RRM2: variants seen among roughly 807,000 people sequenced by gnomAD.
The protein encoded by RRM2 is ribonucleotide reductase regulatory subunit M2, also known as ribonucleoside-diphosphate reductase subunit M2.
A neutral mutation model predicts 45.9 loss-of-function variants in RRM2; 6 were observed. That is an observed-to-expected ratio of 0.13 (90% CI 0.07 to 0.26). RRM2 has a LOEUF of 0.26. Ranked by LOEUF, RRM2 falls within the 10% of genes least tolerant of loss-of-function variation. RRM2 has a pLI of 1.00. For synonymous variants in RRM2, 177 were observed against 173.0 expected, an observed-to-expected ratio of 1.02 and a Z score of -0.18; for missense variants, 343 against 489.5, an observed-to-expected ratio of 0.70 and a Z score of 2.82.
chr2:10,188,431 C>A (rs1192884444), intron 3 of RRM2, among the ~76,000 whole-genome samples: 1 of 152,202 alleles, frequency 6.6e-6, no homozygotes, highest in Non-Finnish European at 1.5e-5. Context: ...TTTCTCTGTC[C>A]ATGCATCCCT....
At chr2:10,160,115 G>A (rs1032696827) in intron 3 of RRM2, among the ~76,000 whole-genome samples, 10 of 152,102 alleles carry the variant, frequency 6.6e-5, no homozygotes, top group South Asian at 2.1e-4. Context: ...ATGGGCTGCC[G>A]TCTTCTGCTC....
At chr2:10,197,980 C>G (rs1664449353) in intron 3 of RRM2, among the ~76,000 whole-genome samples, 1 of 152,144 alleles carries the variant, frequency 6.6e-6, no homozygotes, top group Non-Finnish European at 1.5e-5. Flanking sequence ...GTCCAGGTTT[C>G]CCTCCCTACA....
At chr2:10,141,325 C>T (rs1663074898), upstream of RRM2, 1 of 154,624 alleles carries the variant, frequency 6.5e-6, no homozygotes, top group African/African-American at 2.4e-5. Flanking sequence ...ATCTTCCCTC[C>T]ATCCCCTCCC....
chr2:10,155,040 T>TA (rs373914389), intron 3 of RRM2: 3,376 of 165,984 alleles, frequency 0.02, no homozygotes, highest in South Asian at 0.071. Flanking sequence ...AATTGCTCTG[T>TA]AAAAAAAAAA....
At chr2:10,197,932 T>C (rs1664448614) in intron 3 of RRM2, among the ~76,000 whole-genome samples, 1 of 152,166 alleles carries the variant, frequency 6.6e-6, no homozygotes, top group Non-Finnish European at 1.5e-5. Context: ...GCTGGGCCTG[T>C]CTGCCTGTCT....
At chr2:10,143,913 G>A (rs1284770673) in intron 3 of RRM2, among the ~76,000 whole-genome samples, 5 of 152,166 alleles carry the variant, frequency 3.3e-5, no homozygotes, top group Admixed American at 3.3e-4. Context: ...TGATCCGCCC[G>A]CCTTGGCCTC....
chr2:10,143,700 C>T (rs938157132), intron 3 of RRM2, among the ~76,000 whole-genome samples: 4 of 152,102 alleles, frequency 2.6e-5, no homozygotes, highest in African/African-American at 9.7e-5. Context: ...GAGACGGAGT[C>T]TTGCTCTGTC....
Position 10,177,710 on chromosome 2 carries a change from T to TCCCTCCCTCC in RRM2, n.483-32600_483-32599insCCTCCCTCCC, listed in dbSNP as rs1412223767. On this transcript the variant is annotated intron_variant and non_coding_transcript_variant, in intron 3 of 3. Coordinates refer to the RRM2 transcript ENST00000381786. ...TCCTTCCTTCCTTCCTTCCTTCCTC[T>TCCCTCCCTCC]CTCCCTCCCTCCCTCCCTCTCTCTC... 3.6e-3 allele frequency among the ~76,000 whole-genome samples: 417 copies of TCCCTCCCTCC among 116,548 alleles called. 5 individuals carry two copies. The highest frequency in any genetic ancestry group is 0.013 in the African/African-American group (399 of 31,154). 76.5% of individuals were successfully genotyped at this position (116,548 alleles called of 152,430 possible).
intron 5 of RRM2, among the ~76,000 whole-genome samples, chr2:10,125,082 CCTT>C (rs1486276990): frequency 2.0e-5 from 3 of 152,158 alleles, no homozygotes; most frequent in African/African-American, 7.2e-5. Context: ...CAATGTAAAA[CCTT>C]CTTTTGAAAA....
chr2:10,200,882 C>T (rs1268423595), intron 3 of RRM2, among the ~76,000 whole-genome samples: 1 of 152,190 alleles, frequency 6.6e-6, no homozygotes, highest in Non-Finnish European at 1.5e-5. Flanking sequence ...TGCCATGGCT[C>T]ACACCTGTAA....
intron 3 of RRM2, among the ~76,000 whole-genome samples, chr2:10,166,507 C>T (rs181010937): frequency 3.3e-5 from 5 of 152,322 alleles, no homozygotes; most frequent in Admixed American, 3.3e-4. Context: ...CTGCTGTCTG[C>T]GTCCGTGTCT....
chr2:10,123,106 T>C, intron 2 of RRM2, 49 bp downstream of exon 2: 1 of 1,508,280 alleles, frequency 6.6e-7, no homozygotes, highest in South Asian at 1.2e-5. Flanking sequence ...CTTGGGCGTC[T>C]TGGCGCCAAA....
At chr2:10,122,933 G>GT (rs1382002068) in intron 1 of RRM2, 36 bp downstream of exon 1, 1 of 1,551,364 alleles carries the variant, frequency 6.4e-7, no homozygotes, top group East Asian at 2.4e-5. Flanking sequence ...GGCAGGGGAG[G>GT]GAGGCAGGGA....
At chr2:10,207,509 T>C (rs887962) in intron 3 of RRM2, among the ~76,000 whole-genome samples, 135,552 of 152,176 alleles carry the variant, frequency 0.89, 60,471 homozygotes, top group East Asian at 1. Context: ...GTCTTCATGA[T>C]TCAGTCCCCA....
intron 3 of RRM2, among the ~76,000 whole-genome samples, chr2:10,151,696 A>C (rs1663315527): frequency 6.6e-6 from 1 of 152,152 alleles, no homozygotes; most frequent in Non-Finnish European, 1.5e-5. Flanking sequence ...AAGTGACCAT[A>C]CCGCTTTACA....
intron 3 of RRM2, among the ~76,000 whole-genome samples, chr2:10,177,224 C>T (rs4669548): frequency 0.35 from 53,042 of 151,364 alleles, 9,485 homozygotes; most frequent in South Asian, 0.5. Flanking sequence ...CCAGCCTGGG[C>T]GACAGAGCGA....
rs189513010 is a variant in RRM2 at position 10,156,527 on chromosome 2, G to T, written n.482+14152G>T. 4.6e-3 allele frequency among the ~76,000 whole-genome samples: 694 copies of T among 152,330 alleles called. 8 individuals are homozygous for T. The highest frequency in any genetic ancestry group is 0.033 in the South Asian group (160 of 4,826). Reference sequence around the variant, plus strand: ...CTGGGAACAGCACACCAGGGTTCTTGCCTCCTGGGAAAGTTCTCACAGAAA... The same window carrying T: ...CTGGGAACAGCACACCAGGGTTCTTTCCTCCTGGGAAAGTTCTCACAGAAA... On this transcript the variant is annotated intron_variant and non_coding_transcript_variant, in intron 3 of 3. Coordinates refer to the RRM2 transcript ENST00000381786.
At chr2:10,170,296 T>C (rs1663772497) in intron 3 of RRM2, among the ~76,000 whole-genome samples, 1 of 152,164 alleles carries the variant, frequency 6.6e-6, no homozygotes, top group South Asian at 2.1e-4. Flanking sequence ...CATAAATATA[T>C]CATGACTTGG....
chr2:10,183,785 ACT>A (rs1664107248), intron 3 of RRM2, among the ~76,000 whole-genome samples: 1 of 136,724 alleles, frequency 7.3e-6, no homozygotes, highest in Non-Finnish European at 1.5e-5. Context: ...ACGGAGTGAG[ACT>A]CTGTTTCAAA....
Sources: gnomAD v4.1 joint callset for allele counts (sites outside exome capture counted in the v4.1 genomes callset) on GRCh38, gnomAD v4.1.1 for gene constraint, MANE v1.5 for transcripts, NCBI Gene and HGNC (gene_info 2026-07-23, HGNC 2026-07-21) for gene names.